Variants in CRTC3 observed in about 807,000 individuals in gnomAD.
CRTC3 encodes the protein CREB regulated transcription coactivator 3, also known as CREB-regulated transcription coactivator 3.
Under a neutral mutation model 74.5 loss-of-function variants are expected in CRTC3, and 26 were observed. That is an observed-to-expected ratio of 0.35 (90% CI 0.26 to 0.48). The LOEUF is 0.48. Among genes scored for constraint, CRTC3 ranks in the 20% least tolerant of loss-of-function variants. CRTC3 has a pLI of 0.99. For missense variants in CRTC3, 760 were observed against 787.3 expected (o/e 0.97, Z 0.41); for synonymous variants, 377 against 325.8 (o/e 1.16, Z -1.69).
intron 2 of CRTC3, among the ~76,000 whole-genome samples, chr15:90,543,039 G>A (rs142850328): frequency 2.9e-4 from 44 of 150,760 alleles, no homozygotes; most frequent in African/African-American, 1.0e-3. Flanking sequence ...GCTCACACCT[G>A]TAATCCCAGC....
intron 6 of CRTC3, among the ~76,000 whole-genome samples, chr15:90,613,332 G>A (rs1430384871): frequency 1.3e-5 from 2 of 152,134 alleles, no homozygotes; most frequent in Non-Finnish European, 2.9e-5. Context: ...AAAGCTTTCA[G>A]TCACTTACTT....
intron 13 of CRTC3, among the ~76,000 whole-genome samples, chr15:90,640,555 GCATGTGGTCC>G (rs1366421770): frequency 6.6e-6 from 1 of 152,260 alleles, no homozygotes; most frequent in East Asian, 1.9e-4. Flanking sequence ...AGGCATGGTG[GCATGTGGTCC>G]CAGCTATTTG....
intron 11 of CRTC3, chr15:90,635,060 G>C: frequency 1.2e-6 from 1 of 858,550 alleles, no homozygotes; most frequent in South Asian, 1.3e-5. Flanking sequence ...AATGGCATCA[G>C]TGTGAAGCTG....
intron 11 of CRTC3, 42 bp downstream of exon 11, chr15:90,629,574 C>T (rs1181824328): frequency 1.3e-6 from 2 of 1,594,178 alleles, no homozygotes; most frequent in East Asian, 2.2e-5. Context: ...GTGAAACAGA[C>T]TGCAAGATAT....
At chr15:90,541,220 C>T (rs1017543634) in intron 2 of CRTC3, among the ~76,000 whole-genome samples, 3 of 152,122 alleles carry the variant, frequency 2.0e-5, no homozygotes, top group East Asian at 1.9e-4. Context: ...ATTTAAGATT[C>T]GGTGTTAAAG....
chr15:90,602,010 C>T (rs561972696), intron 3 of CRTC3, among the ~76,000 whole-genome samples: 19 of 152,248 alleles, frequency 1.2e-4, no homozygotes, highest in African/African-American at 3.6e-4. Flanking sequence ...GGGTCCCTCA[C>T]ATGTGGCACA....
At chr15:90,625,720 G>A in intron 9 of CRTC3, 56 bp from the exon 10 acceptor site, 1 of 1,505,088 alleles carries the variant, frequency 6.6e-7, no homozygotes, top group Non-Finnish European at 9.2e-7. Context: ...GCCATGTTTG[G>A]TTTCCCAACA....
chr15:90,623,976 C>T (rs960875258), intron 9 of CRTC3, among the ~76,000 whole-genome samples: 9 of 152,192 alleles, frequency 5.9e-5, no homozygotes, highest in African/African-American at 2.2e-4. Flanking sequence ...AAACTAAGCT[C>T]AGATGTCCTC....
intron 2 of CRTC3, among the ~76,000 whole-genome samples, chr15:90,581,881 C>T (rs576831259): frequency 2.0e-5 from 3 of 152,136 alleles, no homozygotes; most frequent in Non-Finnish European, 4.4e-5. Flanking sequence ...CTGACAGGTG[C>T]CTGTCTTTTA....
intron 9 of CRTC3, among the ~76,000 whole-genome samples, chr15:90,620,491 A>G (rs946189972): frequency 6.6e-6 from 1 of 152,172 alleles, no homozygotes; most frequent in Non-Finnish European, 1.5e-5. Context: ...AGTTGAGTCT[A>G]AGAGAGAACG....
At position 90,593,826 on chromosome 15, in the gene CRTC3, C is replaced by T. The variant is rs545958243; in HGVS notation, c.351+71C>T. 18 of 1,486,086 alleles carry T rather than the reference C, an allele frequency of 1.2e-5. No individual in the cohort carries two copies. In the South Asian group the frequency reaches 2.2e-4, roughly 18 times the overall value. 92.1% of individuals were successfully genotyped at this position (1,486,086 alleles called of 1,614,324 possible). ...TGAAAAGTTTTCAGGATTTATCTTC[C>T]CTGCAATTCTCCTTTGGCCTCAGAA... On this transcript the variant is annotated intron_variant, in intron 3 of 14. Coordinates refer to ENST00000268184, the MANE Select transcript of CRTC3 (RefSeq NM_022769.5).
At chr15:90,531,610 C>T (rs1966628340) in intron 1 of CRTC3, among the ~76,000 whole-genome samples, 1 of 152,164 alleles carries the variant, frequency 6.6e-6, no homozygotes, top group African/African-American at 2.4e-5. Flanking sequence ...CTATCAGCTT[C>T]ACTCATTTTT....
At chr15:90,540,395 AAAG>A (rs1966783704) in intron 2 of CRTC3, among the ~76,000 whole-genome samples, 1 of 152,236 alleles carries the variant, frequency 6.6e-6, no homozygotes, top group Non-Finnish European at 1.5e-5. Flanking sequence ...TAGCTACATT[AAAG>A]AAGAAGAAAC....
Position 90,638,590 on chromosome 15 carries a change from C to A in CRTC3, c.1411C>A (p.Gln471Lys). ...QPRAPEAPAQ[Q>K]PQAASSLPQS... ...CCGCGCCCCTGAGGCCCCTGCCCAG[C>A]AGCCCCAGGCAGCCTCCTCACTGCC... The change falls in exon 12 of 15, where the codon CAG becomes AAG. Residue 471 changes from glutamine (Q) to lysine (K), a missense_variant. By Grantham distance (53) the Gln-to-Lys change is moderately conservative. Around this residue, in one of 2 missense-constraint regions of CRTC3, gnomAD observed 652 missense variants for 635.2 expected, o/e 1.03. Coordinates refer to ENST00000268184, the MANE Select transcript of CRTC3 (RefSeq NM_022769.5). 6.2e-7 allele frequency: 1 copy of A among 1,613,036 alleles called. No homozygotes were observed. The highest frequency in any genetic ancestry group is 1.7e-5 in the Admixed American group (1 of 60,016).
rs1424635777 is a variant in CRTC3, at chr15:90,642,338, C to T, written c.*198C>T. ...TCACACAGCTTTGTACTGCCTCTCC[C>T]GCCTGTGGCCAAAGTCGTGTTGCAG... is the stretch of plus-strand genomic sequence containing the variant. On this transcript the variant is annotated 3_prime_UTR_variant, in exon 15 of 15. Coordinates refer to ENST00000268184, the MANE Select transcript of CRTC3 (RefSeq NM_022769.5). 1.7e-5 allele frequency: 10 copies of T among 583,662 alleles called. No homozygotes were observed. Among genetic ancestry groups the T allele is most frequent in the Non-Finnish European group, 2.1e-5 (7 of 328,104 alleles). 36.2% of individuals were successfully genotyped at this position (583,662 alleles called of 1,614,324 possible).
At position 90,605,492 on chromosome 15, in the gene CRTC3, A is replaced by G. The variant is rs1161470356; in HGVS notation, c.476+1045A>G. Among the ~76,000 whole-genome samples the G allele has an allele frequency of 2.6e-5, 4 of 152,308 alleles. No homozygotes were observed. In the East Asian group the frequency reaches 7.7e-4, roughly 29 times the overall value. ...TAAAAAACATAACCACAATGCCGCT[A>G]TTACACTTAACAAAATTAAAAATAA... On this transcript the variant is annotated intron_variant, in intron 5 of 14. Coordinates refer to ENST00000268184, the MANE Select transcript of CRTC3 (RefSeq NM_022769.5).
At chr15:90,534,574 G>GT in intron 1 of CRTC3, among the ~76,000 whole-genome samples, 1 of 152,152 alleles carries the variant, frequency 6.6e-6, no homozygotes, top group Non-Finnish European at 1.5e-5. Context: ...TGGTTGGTTG[G>GT]TTGGTTTTAA....
At chr15:90,597,575 G>A (rs1967959502) in intron 3 of CRTC3, among the ~76,000 whole-genome samples, 1 of 152,122 alleles carries the variant, frequency 6.6e-6, no homozygotes, top group Non-Finnish European at 1.5e-5. Context: ...TATTACATTT[G>A]AGAAACACCA....
chr15:90,550,583 C>T (rs767849071), intron 2 of CRTC3, among the ~76,000 whole-genome samples: 3 of 151,750 alleles, frequency 2.0e-5, no homozygotes, highest in Non-Finnish European at 4.4e-5. Context: ...TTGCTATTGT[C>T]CCCTTTAATA....
Sources: allele counts gnomAD v4.1 joint callset (sites outside exome capture counted in the v4.1 genomes callset), GRCh38; gene constraint gnomAD v4.1.1; regional missense constraint gnomAD v4.1.1; transcripts MANE v1.5; gene names NCBI Gene and HGNC (gene_info 2026-07-23, HGNC 2026-07-21).